Variants in ZNF521 observed in about 807,000 individuals in gnomAD.
ZNF521 encodes zinc finger protein 521.
Under a neutral mutation model 105.5 loss-of-function variants are expected in ZNF521, and 14 were observed. The ratio of observed to expected loss-of-function variants is 0.13; its 90% CI spans 0.09 to 0.21. The LOEUF is 0.21. Among genes scored for constraint, ZNF521 ranks in the 10% least tolerant of loss-of-function variants. The pLI, the probability that ZNF521 is intolerant of heterozygous loss-of-function variation, is 1.00. For missense variants in ZNF521, 1,233 were observed against 1,629.7 expected (o/e 0.76, Z 4.19); for synonymous variants, 635 against 606.0 (o/e 1.05, Z -0.70).
intron 3 of ZNF521, among the ~76,000 whole-genome samples, chr18:25,237,630 T>C (rs1907003154): frequency 6.6e-6 from 1 of 152,182 alleles, no homozygotes; most frequent in Non-Finnish European, 1.5e-5. Flanking sequence ...GTGGCCACAG[T>C]AATGAGACAC....
At chr18:25,151,051 A>G (rs569680145) in intron 5 of ZNF521, among the ~76,000 whole-genome samples, 47 of 151,640 alleles carry the variant, frequency 3.1e-4, no homozygotes, top group Non-Finnish European at 5.5e-4. Flanking sequence ...TGGCCTCCCA[A>G]AGTGCTGGGA....
At chr18:25,073,102 G>T (rs77039772) in intron 7 of ZNF521, among the ~76,000 whole-genome samples, 1 of 151,870 alleles carries the variant, frequency 6.6e-6, no homozygotes, top group Non-Finnish European at 1.5e-5. Flanking sequence ...TTTCCTCTCC[G>T]CCAGCTCTCG....
chr18:25,134,580 G>A (rs541763465), intron 5 of ZNF521, among the ~76,000 whole-genome samples: 17 of 152,224 alleles, frequency 1.1e-4, no homozygotes, highest in East Asian at 3.9e-4. Flanking sequence ...TGTGGGAAGC[G>A]GACTTCAGAC....
intron 3 of ZNF521, among the ~76,000 whole-genome samples, chr18:25,264,068 G>T (rs187613011): frequency 6.6e-6 from 1 of 152,228 alleles, no homozygotes; most frequent in Admixed American, 6.5e-5. Flanking sequence ...CCATGAAAAA[G>T]GTGTGGTACC....
At chr18:25,153,495 C>T (rs958572055) in intron 5 of ZNF521, among the ~76,000 whole-genome samples, 4 of 152,162 alleles carry the variant, frequency 2.6e-5, no homozygotes, top group Admixed American at 2.6e-4. Context: ...GGCCTGGCTA[C>T]TGAGACTTCA....
At position 25,225,540 on chromosome 18, in the gene ZNF521, C is replaced by A. The variant is rs780058918; in HGVS notation, c.2378G>T (p.Gly793Val). The change falls in exon 4 of 8, where the codon GGC (glycine) becomes GTC (valine). Residue 793 changes from glycine to valine, a missense_variant. This residue lies in a region of ZNF521 where 614 missense variants were observed against 751.5 expected (regional missense o/e 0.82). Coordinates refer to ENST00000361524, the MANE Select transcript of ZNF521 (RefSeq NM_015461.3). This position sits in a 1 kb window ranked among gnomAD's most constrained non-coding sequence, Gnocchi z 5.6. ...HKCIFCGESF[G>V]TEVELQCHIT... Reference sequence around the variant, plus strand: ...GTGGCATTGCAGCTCCACCTCGGTGCCAAAGGACTCACCGCAGAAAATGCA... The same window carrying A: ...GTGGCATTGCAGCTCCACCTCGGTGACAAAGGACTCACCGCAGAAAATGCA... The A allele has an allele frequency of 6.2e-7, 1 of 1,614,192 alleles. No individual in the cohort carries two copies. The highest frequency in any genetic ancestry group is 8.5e-7 in the Non-Finnish European group (1 of 1,180,026).
intron 7 of ZNF521, among the ~76,000 whole-genome samples, chr18:25,077,860 A>C (rs2033400705): frequency 6.6e-6 from 1 of 152,210 alleles, no homozygotes; most frequent in Non-Finnish European, 1.5e-5. Flanking sequence ...AAAGGTTAGC[A>C]ACCAATTAAT....
At chr18:25,315,419 G>A (rs1299236918) in intron 3 of ZNF521, 2 of 152,174 alleles carry the variant, frequency 1.3e-5, no homozygotes, top group African/African-American at 2.4e-5. Flanking sequence ...GTGTCACCAC[G>A]TCCTTTGCTA....
Position 25,226,047 on chromosome 18 carries a change from C to A in ZNF521, c.1871G>T (p.Gly624Val). The change falls in exon 4 of 8, where the codon GGA (glycine) becomes GTA (valine). Residue 624 changes from glycine to valine, a missense_variant. By Grantham distance (109) the Gly-to-Val change is moderately radical (BLOSUM62 -3). This residue lies in a region of ZNF521 where 614 missense variants were observed against 751.5 expected (regional missense o/e 0.82). Transcript: ENST00000361524. This position sits in a 1 kb window ranked among gnomAD's most constrained non-coding sequence, Gnocchi z 4.1. The part of the protein sequence containing the change: ...QTSLKMMQAV[G>V]GAPARPTGEY... ...TCCAGTGGGACGTGCAGGTGCACCTCCTACTGCCTGCATCATCTTAAGAGA... is the reference window on the plus strand; with the variant it reads ...TCCAGTGGGACGTGCAGGTGCACCTACTACTGCCTGCATCATCTTAAGAGA... 6.2e-7 allele frequency: 1 copy of A among 1,614,176 alleles called. No individual in the cohort carries two copies. Among genetic ancestry groups the A allele is most frequent in the Non-Finnish European group, 8.5e-7 (1 of 1,180,024 alleles).
At chr18:25,189,003 A>G (rs1327308106) in intron 5 of ZNF521, among the ~76,000 whole-genome samples, 1 of 152,244 alleles carries the variant, frequency 6.6e-6, no homozygotes, top group Non-Finnish European at 1.5e-5. Context: ...ATTCTTGTAA[A>G]TCAAAGCTGC....
intron 7 of ZNF521, among the ~76,000 whole-genome samples, chr18:25,064,430 G>A (rs2032996459): frequency 6.6e-6 from 1 of 152,216 alleles, no homozygotes; most frequent in African/African-American, 2.4e-5. Flanking sequence ...AATATGCAAG[G>A]TACGTTTGCA....
chr18:25,215,147 A>G (rs942296976), intron 4 of ZNF521, among the ~76,000 whole-genome samples: 1 of 152,164 alleles, frequency 6.6e-6, no homozygotes. Context: ...ATAATGAGGT[A>G]ATAGGAAATA....
At chr18:25,160,879 A>C (rs2035238939) in intron 5 of ZNF521, among the ~76,000 whole-genome samples, 1 of 152,214 alleles carries the variant, frequency 6.6e-6, no homozygotes, top group African/African-American at 2.4e-5. Flanking sequence ...TCCAAATAAA[A>C]TTCAGCAGGT....
At chr18:25,339,200 A>C (rs1289488826) in intron 2 of ZNF521, among the ~76,000 whole-genome samples, 9 of 152,224 alleles carry the variant, frequency 5.9e-5, no homozygotes, top group African/African-American at 2.2e-4. Context: ...AGACACAAAG[A>C]GGCACATAAT....
rs190270946 is a variant in ZNF521, at chr18:25,186,228, C to T, written c.3658+8932G>A. Reference sequence around the variant, plus strand: ...ATTCTTGCTCTATGCTTCTCATTAGCATTACTCTCAAGTTTCTGGTTATCA... The same window carrying T: ...ATTCTTGCTCTATGCTTCTCATTAGTATTACTCTCAAGTTTCTGGTTATCA... On this transcript the variant is annotated intron_variant, in intron 5 of 7. Coordinates refer to ENST00000361524, the MANE Select transcript of ZNF521 (RefSeq NM_015461.3). 8.9e-4 allele frequency among the ~76,000 whole-genome samples: 135 copies of T among 152,284 alleles called. 2 individuals are homozygous for T. The highest frequency in any genetic ancestry group is 3.1e-3 in the African/African-American group (127 of 41,560).
intron 5 of ZNF521, among the ~76,000 whole-genome samples, chr18:25,118,436 C>A (rs1459732169): frequency 1.3e-5 from 2 of 151,434 alleles, no homozygotes; most frequent in African/African-American, 4.8e-5. Flanking sequence ...TTACTTAGAG[C>A]AAAAAATTAT....
At chr18:25,181,407 C>T (rs8082787) in intron 5 of ZNF521, among the ~76,000 whole-genome samples, 46,253 of 151,892 alleles carry the variant, frequency 0.3, 8,184 homozygotes, top group African/African-American at 0.48. Context: ...ATGTTACTTA[C>T]GGGAAATGAC....
intron 3 of ZNF521, among the ~76,000 whole-genome samples, chr18:25,281,830 C>T (rs10432210): frequency 0.23 from 35,361 of 151,944 alleles, 4,330 homozygotes; most frequent in South Asian, 0.37. Flanking sequence ...GAGTATCTTA[C>T]CAGGCAAGTG....
chr18:25,231,198 G>A (rs1262514976), intron 3 of ZNF521, among the ~76,000 whole-genome samples: 2 of 152,206 alleles, frequency 1.3e-5, no homozygotes, highest in Non-Finnish European at 2.9e-5. Context: ...TTGTTAGCCA[G>A]CCAGGCTTTC....
Sources: gnomAD v4.1 joint callset for allele counts (sites outside exome capture counted in the v4.1 genomes callset) on GRCh38, gnomAD v4.1.1 for gene constraint, gnomAD v4.1.1 regional missense constraint, Gnocchi (gnomAD v3.1) non-coding constraint, MANE v1.5 for transcripts, NCBI Gene and HGNC (gene_info 2026-07-23, HGNC 2026-07-21) for gene names.